CYP4X1: variants seen among roughly 807,000 people sequenced by gnomAD.
CYP4X1 encodes the protein cytochrome P450 4X1.
A neutral mutation model predicts 57.9 loss-of-function variants in CYP4X1; 44 were observed. The ratio of observed to expected loss-of-function variants is 0.76; its 90% CI spans 0.60 to 0.98. The LOEUF is 0.98. Ranked by LOEUF, CYP4X1 falls within the 50% of genes least tolerant of loss-of-function variation. The pLI is 0.00. For missense variants in CYP4X1, 532 were observed against 623.9 expected (o/e 0.85, Z 1.57); for synonymous variants, 227 against 228.6 (o/e 0.99, Z 0.06).
the CYP4X1 span, among the ~76,000 whole-genome samples, chr1:46,972,378 C>T: frequency 2.2e-4 from 34 of 152,254 alleles, no homozygotes; most frequent in African/African-American, 7.9e-4. Context: ...AGTGTGATGC[C>T]TCCAGCTTGT....
At chr1:46,973,084 C>G in the CYP4X1 span, among the ~76,000 whole-genome samples, 3 of 151,852 alleles carry the variant, frequency 2.0e-5, no homozygotes, top group African/African-American at 7.3e-5. Context: ...ATATATAGCT[C>G]TTATTTTTTT....
chr1:47,039,258 TCCCCTCAAATCA>T, intron 7 of CYP4X1, 72 bp from the exon 8 acceptor site: 1 of 1,263,122 alleles, frequency 7.9e-7, no homozygotes, highest in Admixed American at 2.5e-5. Context: ...CTCTGATTTT[TCCCCTCAAATCA>T]TTATTGTGGT....
At chr1:47,051,516 CATT>C (rs1397248280), downstream of CYP4X1, among the ~76,000 whole-genome samples, 6 of 152,138 alleles carry the variant, frequency 3.9e-5, no homozygotes, top group African/African-American at 1.4e-4. Flanking sequence ...ATTATAATCT[CATT>C]AATTGCAGCA....
At chr1:47,001,365 T>A in the CYP4X1 span, among the ~76,000 whole-genome samples, 1 of 152,214 alleles carries the variant, frequency 6.6e-6, no homozygotes, top group Non-Finnish European at 1.5e-5. Flanking sequence ...AATCAATGGT[T>A]TGTTCACTCT....
At chr1:47,001,017 AAAGTT>A in the CYP4X1 span, 2 of 226,666 alleles carry the variant, frequency 8.8e-6, no homozygotes, top group Admixed American at 8.6e-5. Context: ...AAAACAGCTT[AAAGTT>A]GAGTAGGGTC....
the CYP4X1 span, among the ~76,000 whole-genome samples, chr1:46,963,321 A>G: frequency 3.9e-5 from 6 of 152,056 alleles, no homozygotes; most frequent in Non-Finnish European, 7.4e-5. Flanking sequence ...TATTTTGCTC[A>G]TTAGTTGATG....
At chr1:46,961,636 C>T in the CYP4X1 span, 1 of 1,289,718 alleles carries the variant, frequency 7.8e-7, no homozygotes, top group Non-Finnish European at 1.0e-6. Context: ...AGCTGAAGTT[C>T]CCACCCTGCT....
In CYP4X1 at chr1:47,050,434, C is replaced by G. The variant is rs923756966; in HGVS notation, c.*260C>G. 10 of 263,916 alleles carry G rather than the reference C, an allele frequency of 3.8e-5. No individual in the cohort carries two copies. Among genetic ancestry groups the G allele is most frequent in the Non-Finnish European group, 7.1e-5 (10 of 140,008 alleles). 16.3% of individuals were successfully genotyped at this position (263,916 alleles called of 1,614,324 possible). A position where few individuals can be genotyped will look rare whatever the true frequency, so the allele number is the denominator to read the frequency against. ...AATGCTGTATACACCAATAGACTTT[C>G]ATATATTTTCTGTTGTTTTTAAAAT... On this transcript the variant is annotated 3_prime_UTR_variant, in exon 12 of 12. Transcript: ENST00000371901.
chr1:47,018,402 G>A, the CYP4X1 span, among the ~76,000 whole-genome samples: 1 of 152,122 alleles, frequency 6.6e-6, no homozygotes, highest in Non-Finnish European at 1.5e-5. Flanking sequence ...TGTTACAGAA[G>A]CCTATGTTAG....
upstream of CYP4X1, chr1:47,023,621 C>G: frequency 7.5e-7 from 1 of 1,328,086 alleles, no homozygotes. Flanking sequence ...GGCTAGAAAT[C>G]CCGCACGCGC....
At chr1:46,985,148 G>A in the CYP4X1 span, among the ~76,000 whole-genome samples, 94 of 152,214 alleles carry the variant, frequency 6.2e-4, no homozygotes, top group Non-Finnish European at 1.2e-3. Context: ...TAGCCAGACT[G>A]CCTCTCTAGA....
intron 9 of CYP4X1, among the ~76,000 whole-genome samples, chr1:47,047,619 C>T (rs1341020663): frequency 6.6e-6 from 1 of 152,036 alleles, no homozygotes; most frequent in Admixed American, 6.6e-5. Context: ...GTTTTCCTCT[C>T]AAGACAGAGT....
rs1196546495 is a variant in CYP4X1, at chr1:47,035,687, C to A, written c.493-119C>A. 19 of 1,411,918 alleles carry A rather than the reference C, an allele frequency of 1.3e-5. No individual in the cohort carries two copies. The South Asian group carries it at 2.9e-4, about 21-fold the overall frequency. 87.5% of individuals were successfully genotyped at this position (1,411,918 alleles called of 1,614,324 possible). On this transcript the variant is annotated intron_variant, in intron 4 of 11. Transcript: ENST00000371901. The stretch of plus-strand genomic sequence containing the variant: ...TTATTTACTCATGTGATCTTTGGTT[C>A]CTGCTGGGTCAGGGTTGTCTCCATT...
the CYP4X1 span, among the ~76,000 whole-genome samples, chr1:46,982,024 T>TA: frequency 6.6e-6 from 1 of 152,088 alleles, no homozygotes; most frequent in Non-Finnish European, 1.5e-5. Context: ...GAGAAATACC[T>TA]AATGTAAATG....
chr1:46,978,178 G>A, the CYP4X1 span, among the ~76,000 whole-genome samples: 2 of 151,812 alleles, frequency 1.3e-5, no homozygotes, highest in African/African-American at 4.8e-5. Flanking sequence ...GACACAGACT[G>A]GCAAATTGGA....
chr1:46,966,307 G>C, the CYP4X1 span, among the ~76,000 whole-genome samples: 2 of 152,142 alleles, frequency 1.3e-5, no homozygotes, highest in African/African-American at 4.8e-5. Context: ...GGATCCCAGG[G>C]CTGGATTATG....
intron 1 of CYP4X1, 123 bp downstream of exon 1, chr1:47,024,117 C>T: frequency 8.6e-7 from 1 of 1,163,904 alleles, no homozygotes; most frequent in Non-Finnish European, 1.2e-6. Flanking sequence ...CTTGCACTGG[C>T]CTTTCCAGCC....
chr1:47,003,032 T>C, the CYP4X1 span: 1 of 152,152 alleles, frequency 6.6e-6, no homozygotes, highest in Admixed American at 6.5e-5. Flanking sequence ...CAGGGTCATA[T>C]AATAGGAAGT....
the CYP4X1 span, among the ~76,000 whole-genome samples, chr1:46,979,261 C>A: frequency 6.6e-6 from 1 of 152,062 alleles, no homozygotes; most frequent in Admixed American, 6.5e-5. Context: ...AGAGAAGAAT[C>A]AAATAGACGC....
Sources: allele counts gnomAD v4.1 joint callset (sites outside exome capture counted in the v4.1 genomes callset), GRCh38; gene constraint gnomAD v4.1.1; transcripts MANE v1.5; gene names NCBI Gene and HGNC (gene_info 2026-07-23, HGNC 2026-07-21).